Variants in TENM3 observed in about 807,000 individuals in gnomAD.
The protein encoded by TENM3 is teneurin-3.
Under a neutral mutation model 255.1 loss-of-function variants are expected in TENM3, and 63 were observed. The observed-to-expected ratio is 0.25, with a 90% CI of 0.20 to 0.30. The LOEUF is 0.30. TENM3 is among the 10% of genes least tolerant of loss of function. TENM3 has a pLI of 1.00. For synonymous variants in TENM3, 1,306 were observed against 1,322.3 expected (o/e 0.99, Z 0.27); for missense variants, 2,929 against 3,461.1 (o/e 0.85, Z 3.86).
chr4:182,773,863 G>A (rs1041494464), intron 23 of TENM3: 13 of 398,102 alleles, frequency 3.3e-5, no homozygotes, highest in Non-Finnish European at 5.7e-5. Context: ...TTGGAATAGT[G>A]TCTGTTTCCA....
the TENM3 span, among the ~76,000 whole-genome samples, chr4:181,923,363 T>C: frequency 5.3e-5 from 8 of 152,180 alleles, no homozygotes; most frequent in Admixed American, 5.2e-4. Context: ...TGGGGACCAG[T>C]TACAGAAAAC....
the TENM3 span, among the ~76,000 whole-genome samples, chr4:181,663,104 A>G: frequency 6.6e-6 from 1 of 152,146 alleles, no homozygotes; most frequent in Admixed American, 6.5e-5. Context: ...TGATTTAAAA[A>G]TCTATTTTTT....
intron 3 of TENM3, among the ~76,000 whole-genome samples, chr4:182,384,294 A>G (rs1767756764): frequency 6.8e-6 from 1 of 146,512 alleles, no homozygotes; most frequent in East Asian, 2.0e-4. Flanking sequence ...TTCTTTGAAA[A>G]TGTCTGCTGT....
intron 11 of TENM3, among the ~76,000 whole-genome samples, chr4:182,686,034 A>G (rs1402242819): frequency 6.6e-6 from 1 of 152,000 alleles, no homozygotes; most frequent in Non-Finnish European, 1.5e-5. Context: ...TACTGTAATT[A>G]TTTTGGTAGT....
intron 1 of TENM3, among the ~76,000 whole-genome samples, chr4:182,223,990 T>G (rs957421354): frequency 1.3e-5 from 2 of 152,174 alleles, no homozygotes; most frequent in African/African-American, 2.4e-5. Flanking sequence ...CCTTCCAAGA[T>G]TATCCTCTTT....
intron 1 of TENM3, among the ~76,000 whole-genome samples, chr4:182,259,234 A>G (rs1261541230): frequency 6.6e-6 from 1 of 152,180 alleles, no homozygotes; most frequent in African/African-American, 2.4e-5. Flanking sequence ...CTTTCCACAG[A>G]TAATTTATGG....
intron 3 of TENM3, among the ~76,000 whole-genome samples, chr4:182,585,894 G>T (rs1367404104): frequency 1.3e-5 from 2 of 152,152 alleles, no homozygotes; most frequent in African/African-American, 4.8e-5. Context: ...GTTCCTAGTG[G>T]CAGTGAGCAT....
chr4:182,386,756 C>T (rs559090836), intron 3 of TENM3, among the ~76,000 whole-genome samples: 10 of 152,366 alleles, frequency 6.6e-5, no homozygotes, highest in Admixed American at 3.9e-4. Context: ...GCGCTGCTCT[C>T]GATTTCTCGC....
chr4:182,737,735 A>G (rs528713919), intron 17 of TENM3, among the ~76,000 whole-genome samples: 3 of 152,324 alleles, frequency 2.0e-5, no homozygotes, highest in South Asian at 4.1e-4. Context: ...TATTTACCTT[A>G]AAATAGAACA....
At chr4:181,717,207 T>C in the TENM3 span, among the ~76,000 whole-genome samples, 1 of 152,308 alleles carries the variant, frequency 6.6e-6, no homozygotes, top group African/African-American at 2.4e-5. Flanking sequence ...ATTAGAAGTA[T>C]GTGAATGATC....
rs527284704 is a variant in TENM3, at chr4:182,718,899, C to G, written c.2368+4666C>G. On this transcript the variant is annotated intron_variant, in intron 13 of 27. Coordinates refer to ENST00000511685, the MANE Select transcript of TENM3 (RefSeq NM_001080477.4). ...CTATGCAAGCACCAAAAGGCAATAG[C>G]TCGCCAGAGATAATTCTGTCTCTAT... Among the ~76,000 whole-genome samples, 4 of 152,332 alleles carry G rather than the reference C, an allele frequency of 2.6e-5. No homozygotes were observed. In the East Asian group the frequency reaches 7.7e-4, roughly 29 times the overall value.
chr4:182,700,558 A>G (rs933398444), intron 12 of TENM3, among the ~76,000 whole-genome samples: 7 of 151,952 alleles, frequency 4.6e-5, no homozygotes, highest in African/African-American at 1.7e-4. Context: ...AAGTTCAGTG[A>G]CCCTCTCTTT....
At chr4:182,742,485 A>T (rs1761685447) in intron 18 of TENM3, among the ~76,000 whole-genome samples, 1 of 152,240 alleles carries the variant, frequency 6.6e-6, no homozygotes. Context: ...ATAGTCTTTG[A>T]CAGGATAGGT....
the TENM3 span, among the ~76,000 whole-genome samples, chr4:181,865,851 G>GA: frequency 2.8e-3 from 420 of 152,116 alleles, 1 homozygote; most frequent in African/African-American, 9.4e-3. Context: ...GACTTGACTG[G>GA]AAAAAATCTC....
In TENM3 at chr4:182,789,199, C is replaced by A; in HGVS notation, c.5411C>A (p.Ser1804Tyr). The change falls in exon 25 of 28, where the codon TCT becomes TAT. Residue 1804 changes from serine to tyrosine, a missense_variant. This residue lies in a region of TENM3 where 303 missense variants were observed against 425.2 expected (regional missense o/e 0.71). Coordinates refer to ENST00000511685, the MANE Select transcript of TENM3 (RefSeq NM_001080477.4). The surrounding 1 kb of genome is among the most constrained non-coding windows in gnomAD (Gnocchi z 4.4). ...CTACTGAGGATCGCCTACGACACGT[C>A]TGGGCACCCGACTCTCTGGCTGCCA... Reference protein sequence around the residue: ...KFLLRIAYDTSGHPTLWLPSS... With the variant: ...KFLLRIAYDTYGHPTLWLPSS... The A allele has an allele frequency of 6.2e-7, 1 of 1,613,210 alleles. No homozygotes were observed. Among genetic ancestry groups the A allele is most frequent in the Admixed American group, 1.7e-5 (1 of 59,898 alleles).
At chr4:181,859,286 C>A in the TENM3 span, among the ~76,000 whole-genome samples, 7 of 144,358 alleles carry the variant, frequency 4.8e-5, no homozygotes, top group Admixed American at 5.0e-4. Context: ...TTTCCTTATG[C>A]CATATGAACT....
intron 3 of TENM3, among the ~76,000 whole-genome samples, chr4:182,500,416 T>C (rs934177786): frequency 2.0e-5 from 3 of 152,180 alleles, no homozygotes; most frequent in African/African-American, 7.2e-5. Flanking sequence ...GCATTATTAA[T>C]GATTAATGAA....
chr4:181,605,562 GAAAGAAA>G, the TENM3 span, among the ~76,000 whole-genome samples: 1 of 27,196 alleles, frequency 3.7e-5, no homozygotes, highest in African/African-American at 8.2e-5. Flanking sequence ...AAGAAAGAAA[GAAAGAAA>G]GAGAGAGAAA....
chr4:182,625,711 G>A (rs1051048671), intron 4 of TENM3, among the ~76,000 whole-genome samples: 3 of 152,118 alleles, frequency 2.0e-5, no homozygotes, highest in African/African-American at 7.2e-5. Context: ...ATAATAATAG[G>A]ATGTCTGTCC....
Sources: allele counts gnomAD v4.1 joint callset (sites outside exome capture counted in the v4.1 genomes callset), GRCh38; gene constraint gnomAD v4.1.1; regional missense constraint gnomAD v4.1.1; non-coding constraint Gnocchi (gnomAD v3.1); transcripts MANE v1.5; gene names NCBI Gene and HGNC (gene_info 2026-07-23, HGNC 2026-07-21).